TAOK3: variants seen among roughly 807,000 people sequenced by gnomAD.
The protein encoded by TAOK3 is TAO kinase 3.
TAOK3 carries 40 observed loss-of-function variants against 120.4 expected under a neutral mutation model. The ratio of observed to expected loss-of-function variants is 0.33; its 90% CI spans 0.26 to 0.43. The LOEUF (loss-of-function observed/expected upper bound fraction) is 0.43. Among genes scored for constraint, TAOK3 ranks in the 20% least tolerant of loss-of-function variants. TAOK3 has a pLI of 1.00. For synonymous variants in TAOK3, 355 were observed against 387.5 expected (o/e 0.92, Z 0.99); for missense variants, 821 against 1,112.1 (o/e 0.74, Z 3.72).
chr12:118,271,659 A>G (rs943731183), intron 1 of TAOK3, among the ~76,000 whole-genome samples: 3 of 152,130 alleles, frequency 2.0e-5, no homozygotes, highest in Non-Finnish European at 1.5e-5. Context: ...AGGCGGATAT[A>G]TGTTTTCATT....
At chr12:118,368,537 G>A (rs2045807548) in intron 1 of TAOK3, among the ~76,000 whole-genome samples, 1 of 145,530 alleles carries the variant, frequency 6.9e-6, no homozygotes, top group Admixed American at 6.8e-5. Flanking sequence ...CGGGAGCGGT[G>A]GCTCACGCCT....
At chr12:118,319,289 T>C (rs1224411786) in intron 1 of TAOK3, among the ~76,000 whole-genome samples, 1 of 152,188 alleles carries the variant, frequency 6.6e-6, no homozygotes, top group Admixed American at 6.5e-5. Flanking sequence ...CAAAAGCTTT[T>C]ACAGGAAACA....
At position 118,150,956 on chromosome 12, in the gene TAOK3, CTTTTTTTTT is replaced by C. The variant is rs201481032; in HGVS notation, c.*32_*40del. The stretch of plus-strand genomic sequence containing the variant: ...CAGGGTCTGAATTTTTTTCTGTTTT[CTTTTTTTTT>C]TTTTTTTTTGTAAATGGCAAAAAAT... On this transcript the variant is annotated 3_prime_UTR_variant, in exon 21 of 21. Transcript: ENST00000392533. The C allele has an allele frequency of 5.6e-6, 7 of 1,255,372 alleles. No individual in the cohort carries two copies. The South Asian group carries it at 6.5e-5, about 12-fold the overall frequency. 77.8% of individuals were successfully genotyped at this position (1,255,372 alleles called of 1,614,324 possible).
chr12:118,331,392 C>T (rs1445462072), intron 1 of TAOK3, among the ~76,000 whole-genome samples: 1 of 152,064 alleles, frequency 6.6e-6, no homozygotes, highest in Non-Finnish European at 1.5e-5. Context: ...CACCTGTAAT[C>T]CCAGCACTTT....
At chr12:118,264,924 G>C (rs7963464) in intron 2 of TAOK3, among the ~76,000 whole-genome samples, 26,592 of 151,132 alleles carry the variant, frequency 0.18, 2,399 homozygotes, top group East Asian at 0.26. Flanking sequence ...ATCCCAGCTA[G>C]TTGGGAGACT....
chr12:118,249,219 A>T (rs751462802), intron 3 of TAOK3, among the ~76,000 whole-genome samples: 3 of 152,204 alleles, frequency 2.0e-5, no homozygotes, highest in Non-Finnish European at 4.4e-5. Flanking sequence ...TAAACATTTT[A>T]CAGCTATACC....
chr12:118,173,731 T>C (rs2036147841), intron 16 of TAOK3, among the ~76,000 whole-genome samples: 1 of 152,250 alleles, frequency 6.6e-6, no homozygotes, highest in Non-Finnish European at 1.5e-5. Flanking sequence ...ATCAGGACTG[T>C]TAAGATGTTA....
chr12:118,162,947 A>G (rs1186435976), intron 17 of TAOK3, among the ~76,000 whole-genome samples: 1 of 152,252 alleles, frequency 6.6e-6, no homozygotes, highest in Non-Finnish European at 1.5e-5. Flanking sequence ...AATATTTATT[A>G]AACCATGACT....
At chr12:118,318,898 A>G (rs1364491219) in intron 1 of TAOK3, among the ~76,000 whole-genome samples, 2 of 152,244 alleles carry the variant, frequency 1.3e-5, no homozygotes, top group African/African-American at 4.8e-5. Flanking sequence ...GCCTTCAAAA[A>G]GAAGGAAATC....
intron 19 of TAOK3, among the ~76,000 whole-genome samples, chr12:118,159,581 G>A (rs1312956240): frequency 3.3e-5 from 5 of 152,180 alleles, no homozygotes; most frequent in South Asian, 2.1e-4. Flanking sequence ...GATTACAGGC[G>A]TGAGCCACCG....
At chr12:118,179,124 G>C (rs987274340) in intron 15 of TAOK3, among the ~76,000 whole-genome samples, 1 of 152,230 alleles carries the variant, frequency 6.6e-6, no homozygotes, top group African/African-American at 2.4e-5. Context: ...TTTCATGCCA[G>C]ACTGCCTCAC....
chr12:118,187,102 C>T (rs779059069), intron 14 of TAOK3, among the ~76,000 whole-genome samples: 1 of 152,226 alleles, frequency 6.6e-6, no homozygotes, highest in Non-Finnish European at 1.5e-5. Flanking sequence ...ATATGCATTT[C>T]ATCATTTATT....
intron 7 of TAOK3, chr12:118,236,248 A>C (rs1455023975): frequency 6.6e-6 from 1 of 152,626 alleles, no homozygotes; most frequent in Non-Finnish European, 1.5e-5. Context: ...GTTATATAGA[A>C]GGTGATATTT....
At chr12:118,189,517 C>T (rs530325398) in intron 14 of TAOK3, among the ~76,000 whole-genome samples, 1 of 135,618 alleles carries the variant, frequency 7.4e-6, no homozygotes, top group South Asian at 2.4e-4. Context: ...ACAGCATATA[C>T]AAACACACAC....
chr12:118,292,193 A>G (rs1252531364), intron 1 of TAOK3, among the ~76,000 whole-genome samples: 2 of 152,222 alleles, frequency 1.3e-5, no homozygotes, highest in Non-Finnish European at 1.5e-5. Context: ...TAAGTAGTTT[A>G]GAACCCATTA....
intron 8 of TAOK3, 115 bp downstream of exon 8, chr12:118,235,443 C>T: frequency 1.4e-6 from 1 of 689,760 alleles, no homozygotes; most frequent in South Asian, 2.1e-5. Flanking sequence ...CAAATGAAAC[C>T]TCGTTTTGAG....
At chr12:118,249,561 A>T (rs1016682954) in intron 3 of TAOK3, among the ~76,000 whole-genome samples, 2 of 134,604 alleles carry the variant, frequency 1.5e-5, no homozygotes, top group Non-Finnish European at 3.2e-5. Context: ...GATTTTGTCT[A>T]AAAAAAAAAA....
chr12:118,231,047 T>C (rs1336709182), intron 9 of TAOK3, among the ~76,000 whole-genome samples: 5 of 152,156 alleles, frequency 3.3e-5, no homozygotes, highest in African/African-American at 1.2e-4. Context: ...AAGTTAGTCA[T>C]AGAAAACAGA....
At chr12:118,276,286 T>C (rs2041900455) in intron 1 of TAOK3, among the ~76,000 whole-genome samples, 2 of 152,028 alleles carry the variant, frequency 1.3e-5, no homozygotes, top group Non-Finnish European at 2.9e-5. Context: ...TCCAGAATAA[T>C]TGAGAAGGAA....
Sources: gnomAD v4.1 joint callset for allele counts (sites outside exome capture counted in the v4.1 genomes callset) on GRCh38, gnomAD v4.1.1 for gene constraint, MANE v1.5 for transcripts, NCBI Gene and HGNC (gene_info 2026-07-23, HGNC 2026-07-21) for gene names.